CCDC170: variants seen among roughly 807,000 people sequenced by gnomAD.
CCDC170 encodes the protein coiled-coil domain-containing protein 170.
A neutral mutation model predicts 72.6 loss-of-function variants in CCDC170; 69 were observed. That is an observed-to-expected ratio of 0.95 (90% CI 0.78 to 1.16). The LOEUF (loss-of-function observed/expected upper bound fraction) is 1.16, where lower values mean the gene tolerates loss of function less well. CCDC170 is among the 50% of genes most tolerant of loss of function. The probability of loss-of-function intolerance (pLI) is 0.00; values close to 1 mark genes in which losing one functional copy is unlikely to be tolerated. For missense variants in CCDC170, 852 were observed against 832.5 expected (o/e 1.02, Z -0.29); for synonymous variants, 300 against 303.9 (o/e 0.99, Z 0.13).
intron 9 of CCDC170, among the ~76,000 whole-genome samples, chr6:151,610,183 T>A (rs1201462644): frequency 6.6e-6 from 1 of 152,234 alleles, no homozygotes; most frequent in African/African-American, 2.4e-5. Flanking sequence ...ATTTACTTAA[T>A]CAATGTAATG....
At chr6:151,505,114 T>C (rs7740302) in intron 1 of CCDC170, among the ~76,000 whole-genome samples, 48,535 of 151,924 alleles carry the variant, frequency 0.32, 9,782 homozygotes, top group African/African-American at 0.57. Flanking sequence ...CCCGCTGGCC[T>C]CCTGGGCACT....
At chr6:151,545,548 G>T (rs1172224044) in intron 4 of CCDC170, among the ~76,000 whole-genome samples, 1 of 152,106 alleles carries the variant, frequency 6.6e-6, no homozygotes, top group Non-Finnish European at 1.5e-5. Flanking sequence ...AAAGTATTTG[G>T]TTCTCTTTGG....
In CCDC170 at chr6:151,521,608, A is replaced by C. The variant is rs566764535; in HGVS notation, c.58-14710A>C. Reference sequence around the variant, plus strand: ...TTAATAATGTTTATTGAACAGACCCAGGACTTAAGTGACCCAGGAAATAGA... The same window carrying C: ...TTAATAATGTTTATTGAACAGACCCCGGACTTAAGTGACCCAGGAAATAGA... On this transcript the variant is annotated intron_variant, in intron 1 of 10. Transcript: ENST00000239374. Among the ~76,000 whole-genome samples the C allele has an allele frequency of 2.6e-5, 4 of 152,300 alleles. No individual in the cohort carries two copies. The South Asian group carries it at 6.2e-4, about 24-fold the overall frequency.
At chr6:151,604,391 C>G (rs1482228777) in intron 9 of CCDC170, among the ~76,000 whole-genome samples, 1 of 152,128 alleles carries the variant, frequency 6.6e-6, no homozygotes, top group Non-Finnish European at 1.5e-5. Flanking sequence ...GAGGCATGCT[C>G]CTGGGGGTCA....
chr6:151,495,037 A>T (rs1398098884), intron 1 of CCDC170, among the ~76,000 whole-genome samples: 1 of 152,150 alleles, frequency 6.6e-6, no homozygotes, highest in African/African-American at 2.4e-5. Flanking sequence ...TTTCTTTCCA[A>T]AGTTTTGGAC....
rs112614904 is a variant in CCDC170, at chr6:151,592,530, C to T, written c.1294-577C>T. Among the ~76,000 whole-genome samples the T allele has an allele frequency of 3.9e-3, 586 of 152,184 alleles. 2 individuals are homozygous for T. The highest frequency in any genetic ancestry group is 0.013 in the African/African-American group (546 of 41,504). On this transcript the variant is annotated intron_variant, in intron 7 of 10. Coordinates refer to ENST00000239374, the MANE Select transcript of CCDC170 (RefSeq NM_025059.4). Reference sequence around the variant, plus strand: ...CATGGTGGCAGGCAAAGAGAGAGAACGAGAGCCAAGCAAAAGGGGTTTTCC... The same window carrying T: ...CATGGTGGCAGGCAAAGAGAGAGAATGAGAGCCAAGCAAAAGGGGTTTTCC...
chr6:151,517,465 G>A (rs992745245), intron 1 of CCDC170, among the ~76,000 whole-genome samples: 2 of 138,906 alleles, frequency 1.4e-5, no homozygotes, highest in African/African-American at 5.4e-5. Flanking sequence ...ATGGAGTCCT[G>A]CACTGTCACC....
At chr6:151,572,491 C>G (rs1306074490) in intron 5 of CCDC170, among the ~76,000 whole-genome samples, 1 of 152,046 alleles carries the variant, frequency 6.6e-6, no homozygotes, top group Non-Finnish European at 1.5e-5. Context: ...AAAGATAGTT[C>G]TATAAACATA....
chr6:151,519,825 C>T (rs1055783182), intron 1 of CCDC170, among the ~76,000 whole-genome samples: 1 of 152,156 alleles, frequency 6.6e-6, no homozygotes, highest in Non-Finnish European at 1.5e-5. Context: ...AATCGTTATG[C>T]TAGTGGTAGG....
At chr6:151,518,520 T>C (rs1327723565) in intron 1 of CCDC170, among the ~76,000 whole-genome samples, 1 of 152,182 alleles carries the variant, frequency 6.6e-6, no homozygotes, top group African/African-American at 2.4e-5. Flanking sequence ...TGAAAGCAAG[T>C]TTATTAATAA....
chr6:151,596,679 A>G lies in CCDC170; in HGVS notation c.1710+102A>G, dbSNP rs1776630944. On this transcript the variant is annotated intron_variant, in intron 9 of 10. Transcript: ENST00000239374. ...ATCGGGACACGCCAGAAGAAGAAAGATGAAAGCCTCCTCTGATTTTCTAGA... is the reference window on the plus strand; with the variant it reads ...ATCGGGACACGCCAGAAGAAGAAAGGTGAAAGCCTCCTCTGATTTTCTAGA... 2.7e-6 allele frequency: 4 copies of G among 1,472,790 alleles called. No homozygotes were observed. The Admixed American group carries it at 7.3e-5, about 27-fold the overall frequency. The allele number at this position is 1,472,790 out of a possible 1,614,324, so 91.2% of individuals were successfully genotyped here. A position where few individuals can be genotyped will look rare whatever the true frequency, so the allele number is the denominator to read the frequency against.
intron 5 of CCDC170, among the ~76,000 whole-genome samples, chr6:151,569,327 C>T (rs559580138): frequency 3.3e-5 from 5 of 152,194 alleles, no homozygotes; most frequent in Admixed American, 1.3e-4. Flanking sequence ...AATGCAGACT[C>T]GTGCATTTAA....
intron 1 of CCDC170, among the ~76,000 whole-genome samples, chr6:151,512,821 G>A (rs774055851): frequency 6.6e-6 from 1 of 152,154 alleles, no homozygotes; most frequent in Non-Finnish European, 1.5e-5. Context: ...GATGACTAAT[G>A]TTACTACTAT....
At chr6:151,597,747 G>A (rs746337033) in intron 9 of CCDC170, among the ~76,000 whole-genome samples, 13 of 152,318 alleles carry the variant, frequency 8.5e-5, no homozygotes, top group South Asian at 2.1e-4. Flanking sequence ...AAAGATTTAC[G>A]TGTCATGCAT....
intron 3 of CCDC170, among the ~76,000 whole-genome samples, chr6:151,543,824 G>C (rs1018433982): frequency 3.3e-5 from 5 of 152,150 alleles, no homozygotes; most frequent in Admixed American, 3.3e-4. Flanking sequence ...AGGCTGAGTA[G>C]TATTCCGATG....
At chr6:151,524,313 T>A (rs887511673) in intron 1 of CCDC170, among the ~76,000 whole-genome samples, 7 of 152,226 alleles carry the variant, frequency 4.6e-5, no homozygotes, top group Non-Finnish European at 7.3e-5. Flanking sequence ...CCTAACTGTC[T>A]GCCTGACTAG....
At position 151,618,266 on chromosome 6, in the gene CCDC170, G is replaced by T. The variant is rs1777002298; in HGVS notation, c.*119G>T. 2 of 879,850 alleles carry T rather than the reference G, an allele frequency of 2.3e-6. No individual in the cohort carries two copies. The highest frequency in any genetic ancestry group is 2.6e-5 in the East Asian group (1 of 38,542). The allele number at this position is 879,850 out of a possible 1,614,324, so 54.5% of individuals were successfully genotyped here. ...GAATATTTTATGCTTTGATGATATAGTGAGAATGCATCACTTGCAAAAACG... is the reference window on the plus strand; with the variant it reads ...GAATATTTTATGCTTTGATGATATATTGAGAATGCATCACTTGCAAAAACG... On this transcript the variant is annotated 3_prime_UTR_variant, in exon 11 of 11. Coordinates refer to ENST00000239374, the MANE Select transcript of CCDC170 (RefSeq NM_025059.4).
intron 6 of CCDC170, among the ~76,000 whole-genome samples, chr6:151,584,303 CTTCT>C (rs1776421733): frequency 6.6e-6 from 1 of 152,154 alleles, no homozygotes; most frequent in African/African-American, 2.4e-5. Context: ...TTTTCCCTTT[CTTCT>C]TTATTTTGAT....
intron 1 of CCDC170, among the ~76,000 whole-genome samples, chr6:151,496,890 A>G (rs1781919471): frequency 6.6e-6 from 1 of 152,250 alleles, no homozygotes; most frequent in Non-Finnish European, 1.5e-5. Flanking sequence ...AATAAATGTA[A>G]GGCACTCAAG....
Sources: gnomAD v4.1 joint callset for allele counts (sites outside exome capture counted in the v4.1 genomes callset) on GRCh38, gnomAD v4.1.1 for gene constraint, MANE v1.5 for transcripts, NCBI Gene and HGNC (gene_info 2026-07-23, HGNC 2026-07-21) for gene names.